Variants in GSE1 observed in about 807,000 individuals in gnomAD.
GSE1 encodes the protein Gse1 coiled-coil protein.
A neutral mutation model predicts 112.6 loss-of-function variants in GSE1; 32 were observed. The observed-to-expected ratio is 0.28, with a 90% confidence interval of 0.21 to 0.38. The LOEUF is 0.38. Ranked by LOEUF, GSE1 falls within the 10% of genes least tolerant of loss-of-function variation. The pLI, the probability that GSE1 is intolerant of heterozygous loss-of-function variation, is 1.00. For missense variants in GSE1, 2,348 were observed against 1,699.2 expected, an observed-to-expected ratio of 1.38 and a Z score of -6.71; for synonymous variants, 1,115 against 735.6, an observed-to-expected ratio of 1.52 and a Z score of -8.35.
chr16:85,370,440 A>G (rs1183956581), intron 2 of GSE1, among the ~76,000 whole-genome samples: 1 of 152,218 alleles, frequency 6.6e-6, no homozygotes, highest in Non-Finnish European at 1.5e-5. Context: ...AGACGCAGAG[A>G]ACACAGCACG....
intron 2 of GSE1, among the ~76,000 whole-genome samples, chr16:85,413,335 C>T (rs1597676983): frequency 6.6e-6 from 1 of 152,224 alleles, no homozygotes; most frequent in East Asian, 1.9e-4. Context: ...AGGAGGAAGG[C>T]AGGGCCATGG....
At chr16:85,577,307 C>T (rs761461725) in intron 1 of GSE1, among the ~76,000 whole-genome samples, 1 of 152,156 alleles carries the variant, frequency 6.6e-6, no homozygotes, top group African/African-American at 2.4e-5. Context: ...GGAGGGAGGA[C>T]GCGGTCCTCT....
At chr16:85,276,749 G>A (rs374096644) in intron 1 of GSE1, among the ~76,000 whole-genome samples, 136 of 152,284 alleles carry the variant, frequency 8.9e-4, no homozygotes, top group Non-Finnish European at 1.6e-3. Flanking sequence ...GTGGGACCTC[G>A]CTCGTGGCCC....
At chr16:85,284,162 G>A (rs529887528) in intron 1 of GSE1, among the ~76,000 whole-genome samples, 36 of 152,340 alleles carry the variant, frequency 2.4e-4, no homozygotes, top group African/African-American at 8.2e-4. Context: ...GAGAAGGCCC[G>A]GCGGGTCGGG....
At chr16:85,363,874 T>A (rs1167606586) in intron 2 of GSE1, among the ~76,000 whole-genome samples, 1 of 152,200 alleles carries the variant, frequency 6.6e-6, no homozygotes, top group Non-Finnish European at 1.5e-5. Flanking sequence ...TCTGGGCTGA[T>A]CCAGAAGGTC....
At chr16:85,304,026 C>T (rs748597581) in intron 1 of GSE1, among the ~76,000 whole-genome samples, 2 of 152,288 alleles carry the variant, frequency 1.3e-5, no homozygotes, top group Admixed American at 6.5e-5. Flanking sequence ...GAAGCGAGGC[C>T]CAGATAAGAG....
At chr16:85,646,589 G>A (rs1414736351) in intron 2 of GSE1, among the ~76,000 whole-genome samples, 2 of 152,206 alleles carry the variant, frequency 1.3e-5, no homozygotes, top group Admixed American at 1.3e-4. Flanking sequence ...CCTCTTGGGG[G>A]CGGAGATCTG....
At chr16:85,380,519 C>T (rs2047522771) in intron 2 of GSE1, among the ~76,000 whole-genome samples, 2 of 152,090 alleles carry the variant, frequency 1.3e-5, no homozygotes, top group Non-Finnish European at 2.9e-5. Context: ...ACCCCCCCTC[C>T]ACCCGCCACC....
chr16:85,478,899 C>CCTTCT (rs2050565442), intron 2 of GSE1, among the ~76,000 whole-genome samples: 1 of 76,568 alleles, frequency 1.3e-5, no homozygotes, highest in African/African-American at 6.5e-5. Context: ...TTCTTTCTTT[C>CCTTCT]TTTCTTTCTT....
At chr16:85,379,294 T>C (rs1237327641) in intron 2 of GSE1, among the ~76,000 whole-genome samples, 1 of 152,220 alleles carries the variant, frequency 6.6e-6, no homozygotes, top group Non-Finnish European at 1.5e-5. Context: ...GCTGAGCAGC[T>C]TCCAGAAAGG....
chr16:85,367,918 C>T (rs190202293), intron 2 of GSE1, among the ~76,000 whole-genome samples: 2 of 142,436 alleles, frequency 1.4e-5, no homozygotes, highest in East Asian at 4.4e-4. Context: ...GGCATGATCT[C>T]GGCTCACTGC....
intron 1 of GSE1, among the ~76,000 whole-genome samples, chr16:85,627,074 TTTA>T (rs1295741758): frequency 1.7e-5 from 2 of 114,638 alleles, no homozygotes; most frequent in African/African-American, 3.5e-5. Context: ...TTTTTTTTTT[TTTA>T]AAGCATTGTG....
intron 1 of GSE1, among the ~76,000 whole-genome samples, chr16:85,230,530 C>T (rs542794247): frequency 1.3e-5 from 2 of 152,318 alleles, no homozygotes; most frequent in Non-Finnish European, 2.9e-5. Context: ...TAGGCCTCTA[C>T]CTCTCCCTAC....
At chr16:85,459,168 C>T (rs1439664575) in intron 2 of GSE1, among the ~76,000 whole-genome samples, 1 of 152,202 alleles carries the variant, frequency 6.6e-6, no homozygotes, top group Admixed American at 6.5e-5. Flanking sequence ...GGGGTGAAGT[C>T]AGAGGCAGGC....
intron 2 of GSE1, among the ~76,000 whole-genome samples, chr16:85,535,491 G>A (rs887153472): frequency 2.0e-5 from 3 of 152,210 alleles, no homozygotes; most frequent in Admixed American, 6.5e-5. Context: ...TTTCCAGGCC[G>A]CTGAGGGGAA....
intron 1 of GSE1, among the ~76,000 whole-genome samples, chr16:85,341,328 C>T (rs1195281662): frequency 6.6e-6 from 1 of 152,104 alleles, no homozygotes; most frequent in Non-Finnish European, 1.5e-5. Flanking sequence ...CAGCTGGGAT[C>T]ACAGGCATGT....
intron 2 of GSE1, among the ~76,000 whole-genome samples, chr16:85,502,308 TGCTGTGGGTAGC>T (rs1162585250): frequency 1.3e-5 from 2 of 152,180 alleles, no homozygotes; most frequent in African/African-American, 2.4e-5. Context: ...GATCAGCCTG[TGCTGTGGGTAGC>T]GCCGTGGGTA....
At chr16:85,491,579 C>T (rs985545695) in intron 2 of GSE1, among the ~76,000 whole-genome samples, 7 of 151,996 alleles carry the variant, frequency 4.6e-5, no homozygotes, top group African/African-American at 7.2e-5. Flanking sequence ...GCAAGGAGGG[C>T]GAGACGGCTG....
chr16:85,459,335 G>C (rs113187474), intron 2 of GSE1, among the ~76,000 whole-genome samples: 37 of 152,328 alleles, frequency 2.4e-4, no homozygotes, highest in Non-Finnish European at 2.6e-4. Flanking sequence ...GGCACCCCTT[G>C]CTTCAGGCAG....
Sources: gnomAD v4.1 joint callset for allele counts (sites outside exome capture counted in the v4.1 genomes callset) on GRCh38, gnomAD v4.1.1 for gene constraint, MANE v1.5 for transcripts, NCBI Gene and HGNC (gene_info 2026-07-23, HGNC 2026-07-21) for gene names.